Variants in LRRC4C observed in about 807,000 individuals in gnomAD.
The protein encoded by LRRC4C is leucine-rich repeat-containing protein 4C.
A neutral mutation model predicts 33.6 loss-of-function variants in LRRC4C; 5 were observed. That is an observed-to-expected ratio of 0.15 (90% CI 0.08 to 0.31). The LOEUF (loss-of-function observed/expected upper bound fraction) is 0.31. LRRC4C is among the 10% of genes least tolerant of loss of function. LRRC4C has a pLI of 1.00. For synonymous variants in LRRC4C, 329 were observed against 302.0 expected (o/e 1.09, Z -0.93); for missense variants, 560 against 796.7 (o/e 0.70, Z 3.58).
Position 41,281,042 on chromosome 11 carries a change from TTCTCTC to T in LRRC4C, c.-496+178383_-496+178388del, listed in dbSNP as rs71063910. 7.2e-4 allele frequency among the ~76,000 whole-genome samples: 55 copies of T among 76,218 alleles called. 4 individuals are homozygous for T. The highest frequency in any genetic ancestry group is 5.0e-3 in the East Asian group (11 of 2,202). 50.0% of individuals were successfully genotyped at this position (76,218 alleles called of 152,430 possible). The stretch of plus-strand genomic sequence containing the variant: ...AGATAATCTCACTTAAATACATATT[TTCTCTC>T]TCTCTCTCTCTCTCTCTCTCTCTCT... On this transcript the variant is annotated intron_variant, in intron 1 of 6. Coordinates refer to ENST00000528697, the MANE Select transcript of LRRC4C (RefSeq NM_001258419.2).
At chr11:40,436,140 T>C (rs906280072) in intron 3 of LRRC4C, among the ~76,000 whole-genome samples, 4 of 152,244 alleles carry the variant, frequency 2.6e-5, no homozygotes, top group African/African-American at 9.6e-5. Flanking sequence ...CCACACTTTA[T>C]GTATTGGTCT....
At chr11:40,393,173 T>C (rs1188015449) in intron 3 of LRRC4C, among the ~76,000 whole-genome samples, 1 of 152,058 alleles carries the variant, frequency 6.6e-6, no homozygotes, top group Non-Finnish European at 1.5e-5. Context: ...CTGTGCATAA[T>C]CAGTTCAATA....
At chr11:41,059,210 G>GTTGGTTTT (rs71060994) in intron 1 of LRRC4C, among the ~76,000 whole-genome samples, 2 of 125,196 alleles carry the variant, frequency 1.6e-5, no homozygotes, top group Non-Finnish European at 3.2e-5. Flanking sequence ...TAAAATAAAA[G>GTTGGTTTT]TTTTTTTTTT....
Position 40,688,769 on chromosome 11 carries a change from C to T in LRRC4C, c.-406-40491G>A, listed in dbSNP as rs577889689. On this transcript the variant is annotated intron_variant, in intron 2 of 6. Coordinates refer to ENST00000528697, the MANE Select transcript of LRRC4C (RefSeq NM_001258419.2). The stretch of plus-strand genomic sequence containing the variant: ...ATATTTAGAAGACGTGTTTGATTGG[C>T]GGGAGACCAATTTACACTTTCACAC... 4.5e-4 allele frequency among the ~76,000 whole-genome samples: 68 copies of T among 152,202 alleles called. 2 individuals carry two copies. The Middle Eastern group carries it at 0.01, about 23-fold the overall frequency.
chr11:40,694,687 T>C (rs1242733143), intron 2 of LRRC4C, among the ~76,000 whole-genome samples: 1 of 152,182 alleles, frequency 6.6e-6, no homozygotes, highest in Non-Finnish European at 1.5e-5. Flanking sequence ...GTGGACAGTC[T>C]GTTTTAAGGA....
At chr11:40,570,038 A>T (rs1261612354) in intron 3 of LRRC4C, among the ~76,000 whole-genome samples, 2 of 151,922 alleles carry the variant, frequency 1.3e-5, no homozygotes, top group Non-Finnish European at 2.9e-5. Context: ...TAATATGTAC[A>T]TATAAAATAT....
chr11:40,361,561 C>G (rs11035804), intron 3 of LRRC4C, among the ~76,000 whole-genome samples: 9 of 151,900 alleles, frequency 5.9e-5, no homozygotes, highest in Non-Finnish European at 1.2e-4. Context: ...GGTGAAATAT[C>G]TTTACAAGGA....
chr11:40,659,867 C>T (rs1189622870), intron 2 of LRRC4C, among the ~76,000 whole-genome samples: 1 of 152,194 alleles, frequency 6.6e-6, no homozygotes, highest in Admixed American at 6.5e-5. Flanking sequence ...CCATGTACCT[C>T]ATTCTTTATG....
chr11:41,434,175 A>G (rs1955343165), intron 1 of LRRC4C, among the ~76,000 whole-genome samples: 1 of 152,116 alleles, frequency 6.6e-6, no homozygotes, highest in Admixed American at 6.6e-5. Context: ...ACCCCTCCAC[A>G]GATTCCCAAT....
chr11:40,616,702 T>C (rs556523030), intron 3 of LRRC4C, among the ~76,000 whole-genome samples: 5 of 151,818 alleles, frequency 3.3e-5, no homozygotes, highest in Admixed American at 6.6e-5. Flanking sequence ...TAGGTGGGAA[T>C]TGAACAATGA....
At chr11:41,249,535 G>A (rs1948571144) in intron 1 of LRRC4C, among the ~76,000 whole-genome samples, 1 of 152,036 alleles carries the variant, frequency 6.6e-6, no homozygotes, top group African/African-American at 2.4e-5. Flanking sequence ...ATGACTTATA[G>A]CATCCTACCT....
chr11:41,165,480 C>T (rs1455510309), intron 1 of LRRC4C, among the ~76,000 whole-genome samples: 2 of 152,082 alleles, frequency 1.3e-5, no homozygotes, highest in African/African-American at 4.8e-5. Context: ...CACACACCAT[C>T]TTATTTAATC....
chr11:40,469,780 G>T (rs1031567856), intron 3 of LRRC4C, among the ~76,000 whole-genome samples: 5 of 152,164 alleles, frequency 3.3e-5, no homozygotes, highest in African/African-American at 7.2e-5. Context: ...TTTGAACTGG[G>T]TGGAGCCCAC....
intron 1 of LRRC4C, among the ~76,000 whole-genome samples, chr11:41,268,277 T>C (rs1949214480): frequency 6.6e-6 from 1 of 152,082 alleles, no homozygotes; most frequent in Admixed American, 6.6e-5. Flanking sequence ...TAGAAGTAGA[T>C]CATTCCCTAG....
intron 4 of LRRC4C, among the ~76,000 whole-genome samples, chr11:40,266,413 GT>G (rs1283417325): frequency 6.6e-6 from 1 of 152,170 alleles, no homozygotes. Context: ...GCTGCAGTGA[GT>G]CTTGATTGTG....
intron 1 of LRRC4C, among the ~76,000 whole-genome samples, chr11:41,045,493 G>A (rs75186866): frequency 3.7e-4 from 56 of 152,212 alleles, no homozygotes; most frequent in African/African-American, 1.3e-3. Flanking sequence ...GTTGACGTTC[G>A]TGCCTTTAAT....
rs916708824 is a variant in LRRC4C, at chr11:40,452,902, T to A, written c.-269-133181A>T. ...TGTAGGGACATGGATGAAGCTGGAA[T>A]CCATCATTCTCAGCAAACTATCGCA... is the stretch of plus-strand genomic sequence containing the variant. On this transcript the variant is annotated intron_variant, in intron 3 of 6. Coordinates refer to ENST00000528697, the MANE Select transcript of LRRC4C (RefSeq NM_001258419.2). Among the ~76,000 whole-genome samples, 8 of 152,060 alleles carry A rather than the reference T, an allele frequency of 5.3e-5. No individual in the cohort carries two copies. The South Asian group carries it at 1.0e-3, about 20-fold the overall frequency.
chr11:41,011,098 C>T (rs1855145822), intron 1 of LRRC4C, among the ~76,000 whole-genome samples: 1 of 152,110 alleles, frequency 6.6e-6, no homozygotes, highest in African/African-American at 2.4e-5. Context: ...ATTTACATCG[C>T]TCCTATTCCA....
chr11:41,219,854 G>A (rs900330482), intron 1 of LRRC4C, among the ~76,000 whole-genome samples: 5 of 152,116 alleles, frequency 3.3e-5, no homozygotes, highest in African/African-American at 7.2e-5. Flanking sequence ...GCTAGTACCA[G>A]TTTTAAAAAT....
Sources: gnomAD v4.1 joint callset for allele counts (sites outside exome capture counted in the v4.1 genomes callset) on GRCh38, gnomAD v4.1.1 for gene constraint, MANE v1.5 for transcripts, NCBI Gene and HGNC (gene_info 2026-07-23, HGNC 2026-07-21) for gene names.